Variants in PRR16 observed in about 807,000 individuals in gnomAD.
PRR16 encodes the protein protein Largen.
Under a neutral mutation model 18.2 loss-of-function variants are expected in PRR16, and 6 were observed. The observed-to-expected ratio is 0.33, with a 90% CI of 0.18 to 0.65. PRR16 has a LOEUF of 0.65. Ranked by LOEUF, PRR16 falls within the 30% of genes least tolerant of loss-of-function variation. The probability of loss-of-function intolerance (pLI) is 0.74; values close to 1 mark genes in which losing one functional copy is unlikely to be tolerated. For synonymous variants in PRR16, 151 were observed against 147.8 expected (o/e 1.02, Z -0.16); for missense variants, 412 against 376.6 (o/e 1.09, Z -0.78).
chr5:120,564,630 G>A (rs1175101498), intron 1 of PRR16, among the ~76,000 whole-genome samples: 4 of 152,130 alleles, frequency 2.6e-5, no homozygotes, highest in East Asian at 1.9e-4. Flanking sequence ...ACTATTGGGG[G>A]GTGGAAAGGT....
intron 1 of PRR16, chr5:120,617,323 T>C (rs879395279): frequency 1.5e-5 from 4 of 263,706 alleles, no homozygotes; most frequent in African/African-American, 2.3e-5. Context: ...CAATCAGGTC[T>C]CTTTGAATAT....
At chr5:120,644,080 C>G (rs1188774933) in intron 1 of PRR16, among the ~76,000 whole-genome samples, 1 of 152,018 alleles carries the variant, frequency 6.6e-6, no homozygotes, top group African/African-American at 2.4e-5. Flanking sequence ...AGCTCAATGA[C>G]TTGGGTTCTA....
intron 1 of PRR16, among the ~76,000 whole-genome samples, chr5:120,680,486 T>C (rs1221393244): frequency 2.6e-5 from 4 of 152,176 alleles, no homozygotes; most frequent in Admixed American, 2.6e-4. Context: ...ATACCAAAAG[T>C]GAAAAACCTG....
the PRR16 span, among the ~76,000 whole-genome samples, chr5:120,698,320 A>C: frequency 1.4e-4 from 22 of 152,176 alleles, no homozygotes; most frequent in Admixed American, 1.4e-3. Context: ...TGAAAAACTA[A>C]ATGGAATAAG....
the PRR16 span, among the ~76,000 whole-genome samples, chr5:120,753,979 A>G: frequency 8.3e-6 from 1 of 120,728 alleles, no homozygotes; most frequent in Admixed American, 1.1e-4. Context: ...GTTATATAAT[A>G]TAATATATAA....
chr5:120,580,529 A>G (rs913168278), intron 1 of PRR16, among the ~76,000 whole-genome samples: 2 of 143,518 alleles, frequency 1.4e-5, no homozygotes, highest in African/African-American at 2.6e-5. Flanking sequence ...ATCTCGGCTC[A>G]CTGCAAGCTC....
intron 1 of PRR16, among the ~76,000 whole-genome samples, chr5:120,661,147 C>T (rs1756160752): frequency 6.6e-6 from 1 of 152,080 alleles, no homozygotes; most frequent in Non-Finnish European, 1.5e-5. Flanking sequence ...TGGGAAGGTA[C>T]ATTTTGAGCT....
rs192351017 is a variant in PRR16 at position 120,526,062 on chromosome 5, C to A, written c.159+61417C>A. ...TTAGATCCACAATTTCAGATCTAGT[C>A]TTTCTGTTCTGAGGTGGAAGTTTAC... On this transcript the variant is annotated intron_variant, in intron 1 of 1. Coordinates refer to ENST00000407149, the MANE Select transcript of PRR16 (RefSeq NM_001300783.2). Among the ~76,000 whole-genome samples, 4 of 152,208 alleles carry A rather than the reference C, an allele frequency of 2.6e-5. No individual in the cohort carries two copies. The East Asian group carries it at 7.7e-4, about 29-fold the overall frequency.
chr5:120,643,092 G>A (rs912829165), intron 1 of PRR16, among the ~76,000 whole-genome samples: 3 of 151,822 alleles, frequency 2.0e-5, no homozygotes, highest in African/African-American at 7.3e-5. Flanking sequence ...ATTTGACATA[G>A]TGATATGGGC....
chr5:120,721,774 T>G, the PRR16 span, among the ~76,000 whole-genome samples: 2 of 152,092 alleles, frequency 1.3e-5, no homozygotes, highest in African/African-American at 4.8e-5. Flanking sequence ...GAGTTCAAGA[T>G]GGAACAGCAG....
chr5:120,638,053 C>T (rs539194462), intron 1 of PRR16, among the ~76,000 whole-genome samples: 3 of 152,210 alleles, frequency 2.0e-5, no homozygotes, highest in East Asian at 1.9e-4. Context: ...CAATTCTAAA[C>T]ATGAAATTCA....
intron 1 of PRR16, among the ~76,000 whole-genome samples, chr5:120,583,048 C>T (rs940295167): frequency 3.3e-5 from 5 of 152,176 alleles, no homozygotes; most frequent in Non-Finnish European, 5.9e-5. Context: ...TTGGAAGGCC[C>T]ATGTGGGGCA....
chr5:120,550,996 C>A (rs77679933), intron 1 of PRR16, among the ~76,000 whole-genome samples: 2 of 151,990 alleles, frequency 1.3e-5, no homozygotes, highest in African/African-American at 4.8e-5. Context: ...TTCATACAAT[C>A]AAGCTAATTA....
chr5:120,662,520 A>G (rs1756211364), intron 1 of PRR16, among the ~76,000 whole-genome samples: 1 of 152,048 alleles, frequency 6.6e-6, no homozygotes, highest in East Asian at 1.9e-4. Context: ...TGTAGCACAA[A>G]ACGCTCAGGG....
chr5:120,560,408 A>C (rs1037539478), intron 1 of PRR16, among the ~76,000 whole-genome samples: 1 of 151,134 alleles, frequency 6.6e-6, no homozygotes, highest in Non-Finnish European at 1.5e-5. Flanking sequence ...TTTTTTTTGT[A>C]CTTCATTCTG....
At chr5:120,498,650 T>C (rs1053655012) in intron 1 of PRR16, among the ~76,000 whole-genome samples, 1 of 151,758 alleles carries the variant, frequency 6.6e-6, no homozygotes, top group Non-Finnish European at 1.5e-5. Context: ...TTTTTTTCTT[T>C]CCTTTTTTGT....
At chr5:120,559,598 T>A (rs1752515473) in intron 1 of PRR16, among the ~76,000 whole-genome samples, 1 of 151,808 alleles carries the variant, frequency 6.6e-6, no homozygotes, top group South Asian at 2.1e-4. Context: ...TTTTTGGTAA[T>A]TGTTTTTGAT....
chr5:120,742,220 G>A, the PRR16 span, among the ~76,000 whole-genome samples: 1 of 148,760 alleles, frequency 6.7e-6, no homozygotes, highest in Non-Finnish European at 1.5e-5. Flanking sequence ...ATGTTAGTTT[G>A]AATTTCTGTT....
At position 120,476,737 on chromosome 5, in the gene PRR16, G is replaced by C. The variant is rs147612913; in HGVS notation, c.159+12092G>C. ...TCCTGCCAGCATACAAATGAAATAA[G>C]TGTTAAAACCCTTTCTTAAGCCCTC... On this transcript the variant is annotated intron_variant, in intron 1 of 1. Coordinates refer to ENST00000407149, the MANE Select transcript of PRR16 (RefSeq NM_001300783.2). 6.4e-4 allele frequency among the ~76,000 whole-genome samples: 97 copies of C among 152,086 alleles called. 1 individual carries two copies. Among genetic ancestry groups the C allele is most frequent in the African/African-American group, 2.1e-3 (89 of 41,496 alleles).
Sources: gnomAD v4.1 joint callset for allele counts (sites outside exome capture counted in the v4.1 genomes callset) on GRCh38, gnomAD v4.1.1 for gene constraint, MANE v1.5 for transcripts, NCBI Gene and HGNC (gene_info 2026-07-23, HGNC 2026-07-21) for gene names.